Variants in BTAF1 observed in about 807,000 individuals in gnomAD.
BTAF1 encodes TATA-binding protein-associated factor 172.
Under a neutral mutation model 227.1 loss-of-function variants are expected in BTAF1, and 38 were observed. That is an observed-to-expected ratio of 0.17 (90% CI 0.13 to 0.22). BTAF1 has a LOEUF of 0.22. Ranked by LOEUF, BTAF1 falls within the 10% of genes least tolerant of loss-of-function variation. The pLI, the probability that BTAF1 is intolerant of heterozygous loss-of-function variation, is 1.00. For missense variants in BTAF1, 1,598 were observed against 2,204.0 expected, an observed-to-expected ratio of 0.73 and a Z score of 5.51; for synonymous variants, 742 against 751.9, an observed-to-expected ratio of 0.99 and a Z score of 0.21.
intron 4 of BTAF1, among the ~76,000 whole-genome samples, chr10:91,947,654 TC>T (rs1397255079): frequency 1.3e-5 from 2 of 149,838 alleles, no homozygotes; most frequent in Non-Finnish European, 3.0e-5. Flanking sequence ...CCAACTTTGT[TC>T]CTGTTTTTCA....
At position 91,977,490 on chromosome 10, in the gene BTAF1, G is replaced by A. The variant is rs536439524; in HGVS notation, c.1651-2964G>A. 1.3e-3 allele frequency among the ~76,000 whole-genome samples: 204 copies of A among 152,070 alleles called. 4 individuals carry two copies. Among genetic ancestry groups the A allele is most frequent in the Non-Finnish European group, 4.4e-4 (30 of 68,028 alleles). ...CAGTTTGTTTATCCATTCACCTACC[G>A]AAGACATCTTGCCTGCTTCCAAGTT... On this transcript the variant is annotated intron_variant, in intron 14 of 37. Transcript: ENST00000265990.
intron 14 of BTAF1, among the ~76,000 whole-genome samples, 165 bp from the exon 15 acceptor site, chr10:91,980,289 T>G (rs564202315): frequency 3.5e-4 from 53 of 152,308 alleles, no homozygotes; most frequent in South Asian, 1.0e-3. Context: ...AAATATGGTG[T>G]TGTTGCCTCA....
intron 1 of BTAF1, among the ~76,000 whole-genome samples, chr10:91,927,018 C>T (rs1483820473): frequency 6.6e-6 from 1 of 152,078 alleles, no homozygotes; most frequent in Non-Finnish European, 1.5e-5. Flanking sequence ...TCACCTTCTT[C>T]TCTCTTCTAT....
chr10:91,992,072 A>G (rs755055682), intron 20 of BTAF1, 47 bp from the exon 21 acceptor site: 29 of 1,442,816 alleles, frequency 2.0e-5, no homozygotes, highest in Non-Finnish European at 2.7e-5. Context: ...AACATTTGGT[A>G]TCACCAATAT....
rs1449026711 is a variant in BTAF1 at position 91,992,131 on chromosome 10, A to G, written c.2867A>G (p.Glu956Gly). The part of the protein sequence containing the change: ...GQENSKGSTS[E>G]KDGMHHTVTK... ...TTTTTCTTATTAGGATCCACCTCAG[A>G]AAAAGATGGAATGCACCATACTGTC... is the stretch of plus-strand genomic sequence containing the variant. Residue 956 changes from glutamate to glycine, a missense_variant, in exon 21 of 38, where the codon GAA (glutamate) becomes GGA (glycine). Around this residue, in one of 10 missense-constraint regions of BTAF1, gnomAD observed 425 missense variants for 491.2 expected, o/e 0.87. Transcript: ENST00000265990. 1.9e-6 allele frequency: 3 copies of G among 1,571,362 alleles called. No individual in the cohort carries two copies. Among genetic ancestry groups the G allele is most frequent in the Non-Finnish European group, 8.6e-7 (1 of 1,157,870 alleles).
intron 35 of BTAF1, among the ~76,000 whole-genome samples, chr10:92,025,822 A>AAC (rs1204467409): frequency 6.6e-6 from 1 of 151,282 alleles, no homozygotes; most frequent in African/African-American, 2.4e-5. Flanking sequence ...AAAAAAAAAA[A>AAC]AAAAAAAAAA....
At chr10:91,984,120 G>T in intron 18 of BTAF1, 81 bp from the exon 19 acceptor site, 2 of 1,199,846 alleles carry the variant, frequency 1.7e-6, no homozygotes, top group Non-Finnish European at 1.2e-6. Flanking sequence ...TTTAGAACTT[G>T]GTAGTCTACA....
rs1847390468 is a variant in BTAF1, at chr10:91,972,700, T to C, written c.1650+5943T>C. ...AATTTATAGCTGTGTGCAAACTCTT[T>C]GTGGTGCAGTTCCATGATTCCTTTC... On this transcript the variant is annotated intron_variant, in intron 14 of 37. Coordinates refer to ENST00000265990, the MANE Select transcript of BTAF1 (RefSeq NM_003972.3). Among the ~76,000 whole-genome samples, 11 of 152,346 alleles carry C rather than the reference T, an allele frequency of 7.2e-5. 2 individuals carry two copies. In the South Asian group the frequency reaches 2.3e-3, roughly 32 times the overall value.
intron 14 of BTAF1, among the ~76,000 whole-genome samples, chr10:91,975,082 G>A (rs1156592665): frequency 2.6e-5 from 4 of 152,104 alleles, no homozygotes; most frequent in Admixed American, 2.6e-4. Context: ...TTAGTAACTG[G>A]TAACTGTTGT....
chr10:92,007,995 G>T, intron 25 of BTAF1, 128 bp from the exon 26 acceptor site: 1 of 841,494 alleles, frequency 1.2e-6, no homozygotes, highest in South Asian at 1.8e-5. Flanking sequence ...TCTTTAACCT[G>T]ATTTGTCTTC....
At chr10:91,949,575 T>C (rs1005608960) in intron 4 of BTAF1, among the ~76,000 whole-genome samples, 3 of 152,236 alleles carry the variant, frequency 2.0e-5, no homozygotes, top group African/African-American at 7.2e-5. Context: ...AATTTCAAAC[T>C]CATTCTTCTT....
intron 2 of BTAF1, among the ~76,000 whole-genome samples, chr10:91,938,499 C>T (rs1844781361): frequency 6.6e-6 from 1 of 152,122 alleles, no homozygotes; most frequent in African/African-American, 2.4e-5. Context: ...TCCAGTTATC[C>T]CACCACCGTT....
In BTAF1 at chr10:91,996,979, A is replaced by G. The variant is rs573356228; in HGVS notation, c.3511+409A>G. On this transcript the variant is annotated intron_variant, in intron 24 of 37. Coordinates refer to ENST00000265990, the MANE Select transcript of BTAF1 (RefSeq NM_003972.3). ...TAAAGTTTGTTCATTACTTGGGTTT[A>G]CAAATGACCATATTATACTAGATAA... 11 of 569,664 alleles carry G rather than the reference A, an allele frequency of 1.9e-5. No individual in the cohort carries two copies. The South Asian group carries it at 1.9e-4, about 10-fold the overall frequency. 35.3% of individuals were successfully genotyped at this position (569,664 alleles called of 1,614,324 possible). A position where few individuals can be genotyped will look rare whatever the true frequency, so the allele number is the denominator to read the frequency against.
chr10:91,950,830 G>GTTTT (rs1246584276), intron 4 of BTAF1, among the ~76,000 whole-genome samples: 1 of 109,574 alleles, frequency 9.1e-6, no homozygotes, highest in African/African-American at 4.1e-5. Flanking sequence ...CCATAGAGAT[G>GTTTT]TATTTTTTTT....
intron 22 of BTAF1, 81 bp from the exon 23 acceptor site, chr10:91,994,454 T>C: frequency 9.9e-7 from 1 of 1,013,822 alleles, no homozygotes; most frequent in Non-Finnish European, 1.5e-6. Flanking sequence ...CTATGCTAGC[T>C]GAAAAAGTGC....
intron 28 of BTAF1, 92 bp downstream of exon 28, chr10:92,009,300 C>A: frequency 7.4e-7 from 1 of 1,350,946 alleles, no homozygotes; most frequent in Non-Finnish European, 1.0e-6. Flanking sequence ...TTCTAATTAG[C>A]TCTTTTGGTT....
rs752525975 is a variant in BTAF1 at position 92,016,394 on chromosome 10, A to G, written c.4639A>G (p.Thr1547Ala). Residue 1547 changes from threonine to alanine, a missense_variant, in exon 33 of 38, where the codon ACA becomes GCA. This residue lies in a region of BTAF1 where 205 missense variants were observed against 244.5 expected (regional missense o/e 0.84). Coordinates refer to ENST00000265990, the MANE Select transcript of BTAF1 (RefSeq NM_003972.3). ...KSRAKCDVDE[T>A]VSSATLSEET... Reference sequence around the variant, plus strand: ...TCGTGCCAAGTGTGATGTTGATGAAACAGTTTCTTCAGCTACACTTTCTGA... The same window carrying G: ...TCGTGCCAAGTGTGATGTTGATGAAGCAGTTTCTTCAGCTACACTTTCTGA... 3.1e-6 allele frequency: 5 copies of G among 1,601,514 alleles called. No homozygotes were observed. Among genetic ancestry groups the G allele is most frequent in the Non-Finnish European group, 3.4e-6 (4 of 1,174,896 alleles).
chr10:91,984,239 A>C lies in BTAF1; in HGVS notation c.2262A>C (p.Leu754Phe). The change falls in exon 19 of 38, where the codon TTA becomes TTC. Residue 754 changes from leucine to phenylalanine, a missense_variant. By Grantham distance (22) the Leu-to-Phe change is conservative (BLOSUM62 0). Around this residue, in one of 10 missense-constraint regions of BTAF1, gnomAD observed 318 missense variants for 435.0 expected, o/e 0.73. Coordinates refer to ENST00000265990, the MANE Select transcript of BTAF1 (RefSeq NM_003972.3). ...TTACCTTAGCTGTGCAGCCGCGTTT[A>C]CTTGATATCCTTTCAGAACATTTAT... is the stretch of plus-strand genomic sequence containing the variant. The part of the protein sequence containing the change: ...KAVTLAVQPR[L>F]LDILSEHLYY... 6.2e-7 allele frequency: 1 copy of C among 1,613,906 alleles called. No individual in the cohort carries two copies. Among genetic ancestry groups the C allele is most frequent in the Non-Finnish European group, 8.5e-7 (1 of 1,179,914 alleles).
intron 18 of BTAF1, 87 bp downstream of exon 18, chr10:91,982,848 A>C: frequency 1.5e-6 from 2 of 1,325,284 alleles, no homozygotes; most frequent in Non-Finnish European, 2.0e-6. Flanking sequence ...AGAAAAGTGA[A>C]AATTTTCGAT....
Sources: gnomAD v4.1 joint callset for allele counts (sites outside exome capture counted in the v4.1 genomes callset) on GRCh38, gnomAD v4.1.1 for gene constraint, gnomAD v4.1.1 regional missense constraint, MANE v1.5 for transcripts, NCBI Gene and HGNC (gene_info 2026-07-23, HGNC 2026-07-21) for gene names.